The following CDH13 variants were observed in gnomAD, a reference collection of about 807,000 sequenced individuals.
CDH13 encodes the protein cadherin 13.
A neutral mutation model predicts 63.8 loss-of-function variants in CDH13; 24 were observed. The observed-to-expected ratio is 0.38, with a 90% CI of 0.27 to 0.53. The LOEUF (loss-of-function observed/expected upper bound fraction) is 0.53, where lower values mean the gene tolerates loss of function less well. CDH13 is among the 20% of genes least tolerant of loss of function. The probability of loss-of-function intolerance (pLI) is 0.85; values close to 1 mark genes in which losing one functional copy is unlikely to be tolerated. For missense variants in CDH13, 1,049 were observed against 903.1 expected, an observed-to-expected ratio of 1.16 and a Z score of -2.07; for synonymous variants, 503 against 355.3, an observed-to-expected ratio of 1.42 and a Z score of -4.67.
chr16:82,982,690 A>G (rs1488351411), intron 2 of CDH13, among the ~76,000 whole-genome samples: 2 of 152,220 alleles, frequency 1.3e-5, no homozygotes, highest in Admixed American at 1.3e-4. Context: ...CCAACCTAGT[A>G]GTTGCAGGTC....
At chr16:83,496,064 C>T (rs542530378) in intron 7 of CDH13, among the ~76,000 whole-genome samples, 6 of 151,424 alleles carry the variant, frequency 4.0e-5, no homozygotes, top group Admixed American at 2.6e-4. Flanking sequence ...GAATCAATAT[C>T]GTGAAAATGG....
intron 6 of CDH13, among the ~76,000 whole-genome samples, chr16:83,390,682 G>A (rs962206181): frequency 1.3e-5 from 2 of 152,120 alleles, no homozygotes; most frequent in African/African-American, 4.8e-5. Context: ...TGTCTCCATG[G>A]ATTCTAGTGC....
At chr16:83,193,698 A>G (rs2038793270) in intron 4 of CDH13, among the ~76,000 whole-genome samples, 1 of 152,188 alleles carries the variant, frequency 6.6e-6, no homozygotes, top group African/African-American at 2.4e-5. Context: ...AACTTAAATC[A>G]CTGGCTCCTT....
intron 5 of CDH13, among the ~76,000 whole-genome samples, chr16:83,224,769 T>C (rs796794336): frequency 1.1e-4 from 16 of 152,346 alleles, no homozygotes; most frequent in African/African-American, 3.8e-4. Flanking sequence ...ATTTTTAGAA[T>C]GAGAGTGAGA....
At chr16:82,663,332 A>G (rs756914274) in intron 1 of CDH13, among the ~76,000 whole-genome samples, 7 of 152,248 alleles carry the variant, frequency 4.6e-5, no homozygotes, top group Non-Finnish European at 7.3e-5. Context: ...GATTACAGGC[A>G]TGCAGCACCA....
chr16:83,465,376 T>C (rs1471635809), intron 6 of CDH13, among the ~76,000 whole-genome samples: 5 of 152,180 alleles, frequency 3.3e-5, no homozygotes, highest in African/African-American at 1.2e-4. Flanking sequence ...CAGGAGGCTT[T>C]GATAAACATG....
chr16:83,743,947 T>A (rs1912322805), intron 10 of CDH13, among the ~76,000 whole-genome samples: 1 of 151,914 alleles, frequency 6.6e-6, no homozygotes, highest in South Asian at 2.1e-4. Flanking sequence ...GAATCCAGCA[T>A]GCTGGTGCTA....
intron 3 of CDH13, among the ~76,000 whole-genome samples, chr16:83,092,792 C>T (rs1038131243): frequency 6.6e-6 from 1 of 152,178 alleles, no homozygotes; most frequent in African/African-American, 2.4e-5. Flanking sequence ...CTCACCAAAT[C>T]TAGAATCTCC....
At chr16:82,714,007 C>T (rs1288761642) in intron 1 of CDH13, among the ~76,000 whole-genome samples, 1 of 152,044 alleles carries the variant, frequency 6.6e-6, no homozygotes, top group African/African-American at 2.4e-5. Flanking sequence ...GCATGTTGGC[C>T]AGGCTGGTCT....
chr16:83,093,532 C>G (rs7189497), intron 3 of CDH13, among the ~76,000 whole-genome samples: 20,458 of 151,748 alleles, frequency 0.13, 1,746 homozygotes, highest in Admixed American at 0.19. Flanking sequence ...GTTGGCCAGC[C>G]TGGTCTCGAA....
intron 2 of CDH13, among the ~76,000 whole-genome samples, chr16:82,878,992 C>G (rs1361849440): frequency 2.0e-5 from 3 of 152,152 alleles, no homozygotes; most frequent in Non-Finnish European, 2.9e-5. Flanking sequence ...GTCATCCCCT[C>G]CTACCCCATG....
At chr16:83,619,885 G>A (rs906687026) in intron 8 of CDH13, among the ~76,000 whole-genome samples, 1 of 152,220 alleles carries the variant, frequency 6.6e-6, no homozygotes, top group African/African-American at 2.4e-5. Flanking sequence ...AGAAGTGGAG[G>A]ATGCAGATGG....
intron 3 of CDH13, among the ~76,000 whole-genome samples, chr16:83,054,707 A>G (rs954740565): frequency 6.6e-6 from 1 of 152,190 alleles, no homozygotes; most frequent in South Asian, 2.1e-4. Flanking sequence ...AATATATATA[A>G]TAGAAGTAGT....
chr16:83,042,634 T>C (rs763615100), intron 3 of CDH13, among the ~76,000 whole-genome samples: 3 of 152,080 alleles, frequency 2.0e-5, no homozygotes, highest in Non-Finnish European at 2.9e-5. Flanking sequence ...CATGGAAAAA[T>C]TGTCTTCCAT....
chr16:83,633,751 T>C (rs2150797877), intron 8 of CDH13, among the ~76,000 whole-genome samples: 2 of 152,220 alleles, frequency 1.3e-5, no homozygotes, highest in South Asian at 4.2e-4. Flanking sequence ...TCAAAACAGG[T>C]TGCGTTTGAA....
intron 1 of CDH13, among the ~76,000 whole-genome samples, chr16:82,638,823 T>TGTGTGTGTGTGTGTGTGTGTGTGCAC (rs139451683): frequency 1.3e-5 from 2 of 150,790 alleles, no homozygotes; most frequent in African/African-American, 4.9e-5. Context: ...GGGCAGTGTG[T>TGTGTGTGTGTGTGTGTGTGTGTGCAC]GCGTGTGTGC....
intron 4 of CDH13, among the ~76,000 whole-genome samples, chr16:83,195,432 C>T (rs2038850375): frequency 6.6e-6 from 1 of 152,112 alleles, no homozygotes; most frequent in Non-Finnish European, 1.5e-5. Context: ...CCTCAGGGAG[C>T]TAGCTTCCAA....
chr16:82,794,059 C>G (rs1387487525), intron 1 of CDH13, among the ~76,000 whole-genome samples: 3 of 151,948 alleles, frequency 2.0e-5, no homozygotes, highest in African/African-American at 7.3e-5. Flanking sequence ...CCAAGCTTGT[C>G]CAATCCGAGG....
chr16:83,330,568 C>T (rs1355515945), intron 5 of CDH13, among the ~76,000 whole-genome samples: 3 of 152,144 alleles, frequency 2.0e-5, no homozygotes, highest in Non-Finnish European at 2.9e-5. Context: ...GACATGGCAT[C>T]CCCAACCCCA....
Sources: gnomAD v4.1 joint callset for allele counts (sites outside exome capture counted in the v4.1 genomes callset) on GRCh38, gnomAD v4.1.1 for gene constraint, MANE v1.5 for transcripts, NCBI Gene and HGNC (gene_info 2026-07-23, HGNC 2026-07-21) for gene names.